PSMG4: variants seen among roughly 807,000 people sequenced by gnomAD.
PSMG4 encodes proteasome (prosome, macropain) assembly chaperone 4.
PSMG4 carries 10 observed loss-of-function variants against 11.0 expected under a neutral mutation model. That is an observed-to-expected ratio of 0.91 (90% CI 0.56 to 1.54). The LOEUF (loss-of-function observed/expected upper bound fraction) is 1.54, where lower values mean the gene tolerates loss of function less well. Among genes scored for constraint, PSMG4 ranks in the 40% most tolerant of loss-of-function variants. The pLI, the probability that PSMG4 is intolerant of heterozygous loss-of-function variation, is 0.00. For synonymous variants in PSMG4, 95 were observed against 71.3 expected (o/e 1.33, Z -1.68); for missense variants, 198 against 160.9 (o/e 1.23, Z -1.25).
At chr6:3,264,461 C>G in intron 2 of PSMG4, 1 of 1,409,738 alleles carries the variant, frequency 7.1e-7, no homozygotes, top group Non-Finnish European at 9.3e-7. Context: ...CTCTGTGTCT[C>G]AGGCACAGGA....
upstream of PSMG4, chr6:3,254,947 T>C (rs1188881824): frequency 4.7e-6 from 6 of 1,283,260 alleles, no homozygotes; most frequent in South Asian, 3.0e-5. Flanking sequence ...GGGTGTCAGC[T>C]GTTGGGTGTT....
chr6:3,254,768 C>T (rs756919132), upstream of PSMG4, among the ~76,000 whole-genome samples: 43 of 152,282 alleles, frequency 2.8e-4, no homozygotes, highest in African/African-American at 7.9e-4. Flanking sequence ...GTAATGCTCA[C>T]CTGTAGGGTC....
At chr6:3,257,535 G>T (rs1424875362), upstream of PSMG4, among the ~76,000 whole-genome samples, 1 of 152,086 alleles carries the variant, frequency 6.6e-6, no homozygotes, top group African/African-American at 2.4e-5. Context: ...AAACAATTAT[G>T]GTGTAGCCAT....
In PSMG4 at chr6:3,259,239, C is replaced by T. The variant is rs759063079; in HGVS notation, c.174+43C>T. ...GAGGGTGCGGGCGGCGGGGCGGGGG[C>T]GCGGGGGCGCCGGGCCTGCGCGAGC... is the stretch of plus-strand genomic sequence containing the variant. On this transcript the variant is annotated intron_variant, in intron 1 of 2. Coordinates refer to ENST00000438998, the MANE Select transcript of PSMG4 (RefSeq NM_001128591.2). The T allele has an allele frequency of 2.6e-3, 3,130 of 1,223,206 alleles. 10 individuals are homozygous for T. Among genetic ancestry groups the T allele is most frequent in the Non-Finnish European group, 2.9e-3 (2,887 of 981,288 alleles). The allele number at this position is 1,223,206 out of a possible 1,614,324, so 75.8% of individuals were successfully genotyped here.
In PSMG4 at chr6:3,259,209, C is replaced by G; in HGVS notation, c.174+13C>G. The G allele has an allele frequency of 7.9e-7, 1 of 1,270,118 alleles. No homozygotes were observed. The highest frequency in any genetic ancestry group is 9.9e-7 in the Non-Finnish European group (1 of 1,010,322). 78.7% of individuals were successfully genotyped at this position (1,270,118 alleles called of 1,614,324 possible). A position where few individuals can be genotyped will look rare whatever the true frequency, so the allele number is the denominator to read the frequency against. On this transcript the variant is annotated intron_variant, in intron 1 of 2. Transcript: ENST00000438998. ...GTGCAGCCGCTACGTGAGTGCCTGGCGGCCGAGGGTGCGGGCGGCGGGGCG... is the reference window on the plus strand; with the variant it reads ...GTGCAGCCGCTACGTGAGTGCCTGGGGGCCGAGGGTGCGGGCGGCGGGGCG...
upstream of PSMG4, among the ~76,000 whole-genome samples, chr6:3,256,660 G>A (rs139895663): frequency 4.6e-5 from 7 of 152,296 alleles, no homozygotes; most frequent in East Asian, 7.7e-4. Context: ...GATTTCTTTT[G>A]ATAGTGTAAG....
upstream of PSMG4, among the ~76,000 whole-genome samples, chr6:3,255,488 A>T (rs1279007472): frequency 6.6e-6 from 1 of 152,024 alleles, no homozygotes; most frequent in Non-Finnish European, 1.5e-5. Flanking sequence ...CCCCAAAGGT[A>T]CCTAAACTGC....
chr6:3,267,289 G>C (rs1381120865), intron 2 of PSMG4: 1 of 248,298 alleles, frequency 4.0e-6, no homozygotes, highest in African/African-American at 2.2e-5. Context: ...CCAAATCCTG[G>C]CTTTCTGGGT....
chr6:3,260,288 TA>T (rs67036898), intron 1 of PSMG4, among the ~76,000 whole-genome samples: 38 of 57,916 alleles, frequency 6.6e-4, no homozygotes, highest in South Asian at 5.1e-3. Flanking sequence ...TATATATATA[TA>T]TATTTTTTTT....
intron 2 of PSMG4, chr6:3,266,109 C>T (rs939718426): frequency 6.6e-6 from 1 of 152,178 alleles, no homozygotes; most frequent in Non-Finnish European, 1.5e-5. Context: ...ATCACGCAGC[C>T]TTGTACAGCG....
At chr6:3,255,799 G>A (rs1020267101), upstream of PSMG4, among the ~76,000 whole-genome samples, 5 of 152,226 alleles carry the variant, frequency 3.3e-5, no homozygotes, top group Admixed American at 2.0e-4. Flanking sequence ...AATCTTTTCA[G>A]ACAGGGCAGA....
chr6:3,260,291 A>ATATATATATATATATATATTTTTTTTT lies in PSMG4; in HGVS notation c.174+1096_174+1097insATATATATATATATATATTTTTTTTTT. On this transcript the variant is annotated intron_variant, in intron 1 of 2. Transcript: ENST00000438998. ...TGTCTTAAATTGTATATATATATAT[A>ATATATATATATATATATATTTTTTTTT]TTTTTTTTTTTTTTTTTTGAAGCAA... is the stretch of plus-strand genomic sequence containing the variant. Among the ~76,000 whole-genome samples, 4 of 70,864 alleles carry ATATATATATATATATATATTTTTTTTT rather than the reference A, an allele frequency of 5.6e-5. No individual in the cohort carries two copies. The East Asian group carries it at 1.4e-3, about 24-fold the overall frequency. 46.5% of individuals were successfully genotyped at this position (70,864 alleles called of 152,430 possible).
upstream of PSMG4, among the ~76,000 whole-genome samples, chr6:3,255,868 TG>T (rs1757744298): frequency 1.5e-5 from 1 of 65,250 alleles, no homozygotes; most frequent in African/African-American, 3.5e-5. Context: ...GAATGCAAAT[TG>T]TTTTGTCTTC....
rs1030019681 is a variant in PSMG4, at chr6:3,267,779, TCA to T, written c.*68_*69del. 13 of 1,482,160 alleles carry T rather than the reference TCA, an allele frequency of 8.8e-6. No homozygotes were observed. In the African/African-American group the frequency reaches 1.1e-4, roughly 13 times the overall value. 91.8% of individuals were successfully genotyped at this position (1,482,160 alleles called of 1,614,324 possible). Reference sequence around the variant, plus strand: ...TACGTGTAAATAAATGGATTGAATTTCAGTTTGTCATCAGGCCGCGCTCCCGT... The same window carrying T: ...TACGTGTAAATAAATGGATTGAATTTGTTTGTCATCAGGCCGCGCTCCCGT... On this transcript the variant is annotated 3_prime_UTR_variant, in exon 3 of 3. Transcript: ENST00000438998.
intron 1 of PSMG4, among the ~76,000 whole-genome samples, 188 bp from the exon 2 acceptor site, chr6:3,263,496 A>T (rs13215787): frequency 2.6e-5 from 4 of 152,156 alleles, no homozygotes; most frequent in African/African-American, 9.6e-5. Flanking sequence ...CGCTGACCTC[A>T]TATGCGACAT....
upstream of PSMG4, among the ~76,000 whole-genome samples, chr6:3,257,645 A>C (rs999460985): frequency 5.9e-5 from 9 of 152,210 alleles, no homozygotes; most frequent in South Asian, 4.1e-4. Context: ...TGGACAAAAA[A>C]CAGTACATAC....
At chr6:3,266,506 G>A (rs532542752) in intron 2 of PSMG4, 9 of 152,310 alleles carry the variant, frequency 5.9e-5, no homozygotes, top group African/African-American at 1.9e-4. Context: ...GTATGGGTGA[G>A]GCTAAAGGAG....
At chr6:3,263,586 C>T (rs969567096) in intron 1 of PSMG4, 98 bp from the exon 2 acceptor site, 21 of 1,068,116 alleles carry the variant, frequency 2.0e-5, no homozygotes, top group African/African-American at 6.4e-5. Flanking sequence ...GAACCTGCCA[C>T]TGCCATCGTC....
chr6:3,264,179 ACTGTCCTCACTCAGTGTGATAC>A (rs1451985410), intron 2 of PSMG4: 6 of 1,550,914 alleles, frequency 3.9e-6, no homozygotes, highest in Non-Finnish European at 5.2e-6. Context: ...TGCAGGAAGG[ACTGTCCTCACTCAGTGTGATAC>A]CGTTCAGGGC....
Sources: gnomAD v4.1 joint callset for allele counts (sites outside exome capture counted in the v4.1 genomes callset) on GRCh38, gnomAD v4.1.1 for gene constraint, MANE v1.5 for transcripts, NCBI Gene and HGNC (gene_info 2026-07-23, HGNC 2026-07-21) for gene names.